Variants in SZT2 observed in about 807,000 individuals in gnomAD.
SZT2 encodes KICSTOR complex protein SZT2.
A neutral mutation model predicts 404.2 loss-of-function variants in SZT2; 216 were observed. The observed-to-expected ratio is 0.53, with a 90% confidence interval of 0.48 to 0.60. SZT2 has a LOEUF of 0.60. Among genes scored for constraint, SZT2 ranks in the 20% least tolerant of loss-of-function variants. The pLI is 0.00. For missense variants in SZT2, 3,857 were observed against 4,459.2 expected, an observed-to-expected ratio of 0.86 and a Z score of 3.85; for synonymous variants, 1,693 against 1,749.9, an observed-to-expected ratio of 0.97 and a Z score of 0.81.
intron 2 of SZT2, 90 bp downstream of exon 2, chr1:43,403,392 T>G (rs2153929628): frequency 1.3e-6 from 2 of 1,524,710 alleles, no homozygotes; most frequent in African/African-American, 1.4e-5. Flanking sequence ...GGTGGGAGAC[T>G]AACTCTTAAG....
Position 43,443,808 on chromosome 1 carries a change from CCT to C in SZT2, c.8825+13_8825+14del. On this transcript the variant is annotated intron_variant, in intron 62 of 71. Coordinates refer to ENST00000634258, the MANE Select transcript of SZT2 (RefSeq NM_001365999.1). ...TCACCCGCCCGCAGGTGAGCCCGTC[CCT>C]GTTTTCCCTTCTGTCTTCTCCTCCT... The C allele has an allele frequency of 6.2e-7, 1 of 1,612,746 alleles. No individual in the cohort carries two copies. The highest frequency in any genetic ancestry group is 8.5e-7 in the Non-Finnish European group (1 of 1,179,950).
intron 26 of SZT2, 68 bp downstream of exon 26, chr1:43,427,802 A>G (rs1039775407): frequency 3.9e-5 from 60 of 1,550,108 alleles, no homozygotes; most frequent in Non-Finnish European, 4.9e-5. Context: ...ATAAGTACAC[A>G]CTAATAGGCG....
chr1:43,418,682 C>G (rs1651980393), intron 7 of SZT2, among the ~76,000 whole-genome samples: 1 of 152,124 alleles, frequency 6.6e-6, no homozygotes, highest in Non-Finnish European at 1.5e-5. Flanking sequence ...TTCGAAGAAG[C>G]AGATGAGAGT....
chr1:43,430,001 C>G lies in SZT2; in HGVS notation c.4309-10C>G, dbSNP rs1653663857. The G allele has an allele frequency of 6.2e-7, 1 of 1,614,070 alleles. No individual in the cohort carries two copies. The highest frequency in any genetic ancestry group is 1.1e-5 in the South Asian group (1 of 91,076). On this transcript the variant is annotated splice_polypyrimidine_tract_variant and intron_variant, in intron 29 of 71. Transcript: ENST00000634258. ...CTGACATTCTAACCTCCTTCTAAAC[C>G]CCACAACAGGAGAAGTTCCTAGAGA...
In SZT2 at chr1:43,425,327, G is replaced by T. The variant is rs1299448538; in HGVS notation, c.2645+120G>T. The T allele has an allele frequency of 1.3e-6, 2 of 1,504,978 alleles. No homozygotes were observed. The highest frequency in any genetic ancestry group is 2.8e-5 in the African/African-American group (2 of 72,700). The allele number at this position is 1,504,978 out of a possible 1,614,324, so 93.2% of individuals were successfully genotyped here. ...GATCCCAAAGTCAGGGAGGGGGTGCGGTGTTTAGATGCTTCATCAGGCAGA... is the reference window on the plus strand; with the variant it reads ...GATCCCAAAGTCAGGGAGGGGGTGCTGTGTTTAGATGCTTCATCAGGCAGA... On this transcript the variant is annotated intron_variant, in intron 18 of 71. Coordinates refer to ENST00000634258, the MANE Select transcript of SZT2 (RefSeq NM_001365999.1). The surrounding 1 kb of genome is among the most constrained non-coding windows in gnomAD (Gnocchi z 4.3).
Position 43,403,186 on chromosome 1 carries a change from G to C in SZT2, c.37G>C (p.Ala13Pro). ...GTCTCTTTGTTCCCAGGTGGAAGAA[G>C]CTGGGCAGGTGTTCCTGTTAATGAA... is the stretch of plus-strand genomic sequence containing the variant. Reference protein sequence around the residue: ...SERPEPEVEEAGQVFLLMKKD... With the variant: ...SERPEPEVEEPGQVFLLMKKD... The change falls in exon 2 of 72, where the codon GCT becomes CCT. Residue 13 changes from alanine (A) to proline (P), a missense_variant. Ala to Pro is a conservative substitution (Grantham distance 27). This residue lies in a region of SZT2 where 536 missense variants were observed against 637.4 expected (regional missense o/e 0.84). Coordinates refer to ENST00000634258, the MANE Select transcript of SZT2 (RefSeq NM_001365999.1). The C allele has an allele frequency of 6.2e-7, 1 of 1,614,136 alleles. No homozygotes were observed. Among genetic ancestry groups the C allele is most frequent in the Non-Finnish European group, 8.5e-7 (1 of 1,180,024 alleles).
intron 24 of SZT2, 23 bp from the exon 25 acceptor site, chr1:43,427,258 G>T (rs376041025): frequency 6.2e-7 from 1 of 1,605,804 alleles, no homozygotes; most frequent in Non-Finnish European, 8.5e-7. Context: ...AGGCAGCTCT[G>T]ATTTATGTCT....
intron 4 of SZT2, chr1:43,405,450 A>G (rs1650189821): frequency 6.6e-6 from 1 of 152,238 alleles, no homozygotes; most frequent in Non-Finnish European, 1.5e-5. Flanking sequence ...TGTTACTGGA[A>G]TATCTGTTTA....
Position 43,433,166 on chromosome 1 carries a change from G to C in SZT2, c.5780G>C (p.Arg1927Pro). Residue 1927 changes from arginine (R) to proline (P), a missense_variant, in exon 40 of 72, where the codon CGT (arginine) becomes CCT (proline). Coordinates refer to ENST00000634258, the MANE Select transcript of SZT2 (RefSeq NM_001365999.1). Reference sequence around the variant, plus strand: ...CTCATTGTCCGGGTCCTGCAGGACCGTGTGGAAGTGTATGCACATGCACGG... The same window carrying C: ...CTCATTGTCCGGGTCCTGCAGGACCCTGTGGAAGTGTATGCACATGCACGG... Reference protein sequence around the residue: ...FWLIVRVLQDRVEVYAHARSL... With the variant: ...FWLIVRVLQDPVEVYAHARSL... 6.2e-7 allele frequency: 1 copy of C among 1,613,862 alleles called. No individual in the cohort carries two copies. The highest frequency in any genetic ancestry group is 8.5e-7 in the Non-Finnish European group (1 of 1,180,008).
chr1:43,452,565 C>T lies in SZT2; in HGVS notation c.*2085C>T. On this transcript the variant is annotated 3_prime_UTR_variant, in exon 72 of 72. Coordinates refer to ENST00000634258, the MANE Select transcript of SZT2 (RefSeq NM_001365999.1). ...CCTCCAGTACTTTCCAAAACCTTTC[C>T]TTCCCTCGGTCCTTCTCCGCAACCT... The T allele has an allele frequency of 9.7e-6, 6 of 619,358 alleles. No individual in the cohort carries two copies. Among genetic ancestry groups the T allele is most frequent in the Non-Finnish European group, 1.5e-5 (5 of 343,054 alleles). 38.4% of individuals were successfully genotyped at this position (619,358 alleles called of 1,614,324 possible).
chr1:43,415,657 T>A (rs1651619948), intron 5 of SZT2, among the ~76,000 whole-genome samples: 1 of 152,308 alleles, frequency 6.6e-6, no homozygotes, highest in Non-Finnish European at 1.5e-5. Flanking sequence ...GTATAAAATA[T>A]TTCATAACAG....
chr1:43,446,530 G>T, intron 65 of SZT2, 114 bp downstream of exon 65: 1 of 1,301,744 alleles, frequency 7.7e-7, no homozygotes, highest in Non-Finnish European at 1.1e-6. Context: ...CTGGCCCAGT[G>T]ATTGATTCAC....
Position 43,439,503 on chromosome 1 carries a change from A to T in SZT2, c.6877+61A>T, listed in dbSNP as rs183380502. 3.1e-5 allele frequency: 49 copies of T among 1,597,656 alleles called. No homozygotes were observed. The highest frequency in any genetic ancestry group is 4.0e-5 in the Non-Finnish European group (47 of 1,170,206). On this transcript the variant is annotated intron_variant, in intron 49 of 71. Coordinates refer to ENST00000634258, the MANE Select transcript of SZT2 (RefSeq NM_001365999.1). The surrounding 1 kb of genome is among the most constrained non-coding windows in gnomAD (Gnocchi z 4.2). The stretch of plus-strand genomic sequence containing the variant: ...GTGAGGGAAAGCCTTTTGTCATCCT[A>T]TTGCTAAGAGGACATTTCCCAGGCT...
rs1391038647 is a variant in SZT2 at position 43,453,335 on chromosome 1, C to T, written c.*2855C>T. ...ATCTGGCGTCCTCGACTCCCTGAACCTGCATCAGGGTCATGGGTCACAGGG... is the reference window on the plus strand; with the variant it reads ...ATCTGGCGTCCTCGACTCCCTGAACTTGCATCAGGGTCATGGGTCACAGGG... On this transcript the variant is annotated 3_prime_UTR_variant, in exon 72 of 72. Transcript: ENST00000634258. 6 of 1,258,306 alleles carry T rather than the reference C, an allele frequency of 4.8e-6. No individual in the cohort carries two copies. In the African/African-American group the frequency reaches 7.7e-5, roughly 16 times the overall value. The allele number at this position is 1,258,306 out of a possible 1,614,324, so 77.9% of individuals were successfully genotyped here.
At position 43,443,787 on chromosome 1, in the gene SZT2, C is replaced by A; in HGVS notation, c.8816C>A (p.Pro2939His). Reference protein sequence around the residue: ...FVLVPLRPPSPARSTSRPRAM... With the variant: ...FVLVPLRPPSHARSTSRPRAM... Reference sequence around the variant, plus strand: ...CTGGTACCACTGCGGCCCCCCTCACCCGCCCGCAGGTGAGCCCGTCCCTGT... The same window carrying A: ...CTGGTACCACTGCGGCCCCCCTCACACGCCCGCAGGTGAGCCCGTCCCTGT... Residue 2939 changes from proline to histidine, a missense_variant, in exon 62 of 72, where the codon CCC becomes CAC. Physicochemically the swap from Pro to His is moderately conservative, Grantham distance 77. Around this residue, in one of 7 missense-constraint regions of SZT2, gnomAD observed 717 missense variants for 868.2 expected, o/e 0.83. Coordinates refer to ENST00000634258, the MANE Select transcript of SZT2 (RefSeq NM_001365999.1). 1 of 1,613,518 alleles carries A rather than the reference C, an allele frequency of 6.2e-7. No individual in the cohort carries two copies. The highest frequency in any genetic ancestry group is 8.5e-7 in the Non-Finnish European group (1 of 1,180,032).
At chr1:43,449,965 C>T (rs1006686385) in intron 70 of SZT2, 138 bp from the exon 71 acceptor site, 10 of 982,958 alleles carry the variant, frequency 1.0e-5, no homozygotes, top group South Asian at 4.2e-5. Context: ...TTTGGAGACA[C>T]GGTCCTATGT....
In SZT2 at chr1:43,404,448, G is replaced by A; in HGVS notation, c.396G>A (p.Leu132=). The A allele has an allele frequency of 6.2e-7, 1 of 1,614,028 alleles. No homozygotes were observed. The highest frequency in any genetic ancestry group is 8.5e-7 in the Non-Finnish European group (1 of 1,180,014). ...FHALSRCLGG[L]LRPFRVPGSC... is the part of the protein sequence containing the mutation. ...CCCTGTCCCGCTGCTTAGGCGGGCTGCTTCGGCCCTTCCGAGTGCCTGGAT... is the reference window on the plus strand; with the variant it reads ...CCCTGTCCCGCTGCTTAGGCGGGCTACTTCGGCCCTTCCGAGTGCCTGGAT... The change falls in exon 4 of 72, where the codon CTG becomes CTA. Residue 132 remains leucine (L), a synonymous_variant. Coordinates refer to ENST00000634258, the MANE Select transcript of SZT2 (RefSeq NM_001365999.1).
At position 43,416,518 on chromosome 1, in the gene SZT2, G is replaced by C. The variant is rs1308182172; in HGVS notation, c.773-17G>C. The C allele has an allele frequency of 1.3e-6, 2 of 1,594,256 alleles. No individual in the cohort carries two copies. ...TGGCCAGTGTCTCCAGGTCTGATCT[G>C]GTGTTTCCTGCTCCAGGGATTATCG... On this transcript the variant is annotated splice_polypyrimidine_tract_variant and intron_variant, in intron 6 of 71. Coordinates refer to ENST00000634258, the MANE Select transcript of SZT2 (RefSeq NM_001365999.1).
rs1402355460 is a variant in SZT2 at position 43,452,438 on chromosome 1, G to A, written c.*1958G>A. 1 of 790,808 alleles carries A rather than the reference G, an allele frequency of 1.3e-6. No homozygotes were observed. The highest frequency in any genetic ancestry group is 2.2e-6 in the Non-Finnish European group (1 of 452,806). 49.0% of individuals were successfully genotyped at this position (790,808 alleles called of 1,614,324 possible). Reference sequence around the variant, plus strand: ...CCAGGTCTCCAGTCCATGGCACCTGGGTCACGATGCCCAGGTATCCCAGCA... The same window carrying A: ...CCAGGTCTCCAGTCCATGGCACCTGAGTCACGATGCCCAGGTATCCCAGCA... On this transcript the variant is annotated 3_prime_UTR_variant, in exon 72 of 72. Coordinates refer to ENST00000634258, the MANE Select transcript of SZT2 (RefSeq NM_001365999.1).
Sources: gnomAD v4.1 joint callset for allele counts (sites outside exome capture counted in the v4.1 genomes callset) on GRCh38, gnomAD v4.1.1 for gene constraint, gnomAD v4.1.1 regional missense constraint, Gnocchi (gnomAD v3.1) non-coding constraint, MANE v1.5 for transcripts, NCBI Gene and HGNC (gene_info 2026-07-23, HGNC 2026-07-21) for gene names.